The following PPL variants were observed in gnomAD, a reference collection of about 807,000 sequenced individuals.
The protein encoded by PPL is 190 kDa paraneoplastic pemphigus antigen.
In PPL, 198 loss-of-function variants were observed where a neutral mutation model predicts 194.4. The observed-to-expected ratio is 1.02, with a 90% confidence interval of 0.91 to 1.15. The LOEUF is 1.15. PPL is among the 50% of genes most tolerant of loss of function. PPL has a pLI of 0.00. For missense variants in PPL, 2,885 were observed against 2,294.8 expected (o/e 1.26, Z -5.25); for synonymous variants, 1,220 against 972.4 (o/e 1.25, Z -4.74).
chr16:4,889,229 T>TTTG (rs1567992698), intron 18 of PPL, among the ~76,000 whole-genome samples, 168 bp from the exon 19 acceptor site: 11 of 93,454 alleles, frequency 1.2e-4, no homozygotes, highest in African/African-American at 3.7e-4. Context: ...AGGCAGTTTT[T>TTTG]TTGTTGTTGT....
rs1399449309 is a variant in PPL at position 4,895,530 on chromosome 16, G to A, written c.1095+64C>T. 8 of 1,610,718 alleles carry A rather than the reference G, an allele frequency of 5.0e-6. No individual in the cohort carries two copies. In the East Asian group the frequency reaches 1.8e-4, roughly 36 times the overall value. On this transcript the variant is annotated intron_variant, in intron 10 of 21. Transcript: ENST00000345988. ...TGGAGGGGCCTGTACAGGGCTGAGGGCAGGCATGGTGTAGAGGGGTCCCCC... is the reference window on the plus strand; with the variant it reads ...TGGAGGGGCCTGTACAGGGCTGAGGACAGGCATGGTGTAGAGGGGTCCCCC...
intron 20 of PPL, 38 bp downstream of exon 20, chr16:4,888,064 C>T: frequency 1.3e-6 from 2 of 1,490,006 alleles, no homozygotes; most frequent in Non-Finnish European, 1.9e-6. Flanking sequence ...GCTTGGCCTC[C>T]ACCTCAGTCC....
rs1190380147 is a variant in PPL at position 4,902,909 on chromosome 16, G to A, written c.318-383C>T. ...TCACCATGTTGGTCAGGCTGGTCTC[G>A]AACTCCTGACCTCAGGTGATCCGTC... On this transcript the variant is annotated intron_variant, in intron 3 of 21. Coordinates refer to ENST00000345988, the MANE Select transcript of PPL (RefSeq NM_002705.5). This position sits in a 1 kb window ranked among gnomAD's most constrained non-coding sequence, Gnocchi z 4.0. 3.3e-5 allele frequency among the ~76,000 whole-genome samples: 5 copies of A among 152,090 alleles called. No individual in the cohort carries two copies. The South Asian group carries it at 6.2e-4, about 19-fold the overall frequency.
At chr16:4,905,242 G>A (rs899236558) in intron 2 of PPL, among the ~76,000 whole-genome samples, 5 of 152,168 alleles carry the variant, frequency 3.3e-5, no homozygotes, top group Non-Finnish European at 5.9e-5. Flanking sequence ...GAAGTGAACT[G>A]AGAAATACCA....
Position 4,885,131 on chromosome 16 carries a change from CGCACCTTCTCCT to C in PPL, c.3512_3523del (p.Gln1171_Val1174del). The C allele has an allele frequency of 1.2e-6, 2 of 1,614,004 alleles. No individual in the cohort carries two copies. Among genetic ancestry groups the C allele is most frequent in the Non-Finnish European group, 1.7e-6 (2 of 1,180,010 alleles). ...CTTGGGGTCTGGCCGCACGATCTCC[CGCACCTTCTCCT>C]GCACCACCACTTTGGCGTTCTCCTC... On this transcript the variant is annotated inframe_deletion, in exon 22 of 22. Coordinates refer to ENST00000345988, the MANE Select transcript of PPL (RefSeq NM_002705.5). This position sits in a 1 kb window ranked among gnomAD's most constrained non-coding sequence, Gnocchi z 6.3.
intron 1 of PPL, among the ~76,000 whole-genome samples, chr16:4,911,890 G>A (rs1437742032): frequency 6.6e-6 from 1 of 152,116 alleles, no homozygotes; most frequent in Admixed American, 6.6e-5. Context: ...AGACTGGAGT[G>A]CAGTGGCGTG....
chr16:4,884,712 G>C lies in PPL; in HGVS notation c.3943C>G (p.Leu1315Val), dbSNP rs149712293. The C allele has an allele frequency of 6.2e-7, 1 of 1,613,990 alleles. No individual in the cohort carries two copies. The highest frequency in any genetic ancestry group is 1.3e-5 in the African/African-American group (1 of 74,912). ...KEEVASLRAKLSEEQKKQVDL... is the reference protein window; with the variant it reads ...KEEVASLRAKVSEEQKKQVDL... ...ACTTGTTTCTTCTGCTCCTCTGAGA[G>C]CTTTGCCCTCAGAGACGCCACCTCC... The change falls in exon 22 of 22, where the codon CTC becomes GTC. Residue 1315 changes from leucine to valine, a missense_variant. Physicochemically the swap from Leu to Val is conservative, Grantham distance 32. Transcript: ENST00000345988. This position sits in a 1 kb window ranked among gnomAD's most constrained non-coding sequence, Gnocchi z 5.7.
rs769930858 is a variant in PPL, at chr16:4,885,276, C to T, written c.3379G>A (p.Glu1127Lys). ...CGGGTGAGATCGCTGACCTCCCTCTCGGTGGCCGCGTCCTTCTCCACCTTG... is the reference window on the plus strand; with the variant it reads ...CGGGTGAGATCGCTGACCTCCCTCTTGGTGGCCGCGTCCTTCTCCACCTTG... ...VLKVEKDAAT[E>K]REVSDLTRQY... Residue 1127 changes from glutamate to lysine, a missense_variant, in exon 22 of 22, where the codon GAG becomes AAG. Coordinates refer to ENST00000345988, the MANE Select transcript of PPL (RefSeq NM_002705.5). This position sits in a 1 kb window ranked among gnomAD's most constrained non-coding sequence, Gnocchi z 6.3. The T allele has an allele frequency of 2.2e-5, 35 of 1,611,684 alleles. No individual in the cohort carries two copies. The highest frequency in any genetic ancestry group is 2.5e-5 in the Non-Finnish European group (29 of 1,179,982).
At position 4,891,925 on chromosome 16, in the gene PPL, C is replaced by T. The variant is rs755499092; in HGVS notation, c.1854G>A (p.Glu618=). Residue 618 remains glutamate, a synonymous_variant, in exon 16 of 22, where the codon GAG becomes GAA. Transcript: ENST00000345988. ...ACTCCCAGCTCTGCTGCAGGCTCTT[C>T]TCCAGGCGGTTGGCCACATCAACCC... ...QEKVDVANRL[E]KSLQQSWELL... is the part of the protein sequence containing the mutation. The T allele has an allele frequency of 4.3e-6, 7 of 1,613,286 alleles. No individual in the cohort carries two copies. The highest frequency in any genetic ancestry group is 5.9e-6 in the Non-Finnish European group (7 of 1,179,974).
rs770392097 is a variant in PPL, at chr16:4,890,901, C to T, written c.1989G>A (p.Gln663=). Reference sequence around the variant, plus strand: ...CCTCACCCAGGAGGGACTTCTGGGCCTGTAACTCACAGGCCATGGCCTGGC... The same window carrying T: ...CCTCACCCAGGAGGGACTTCTGGGCTTGTAACTCACAGGCCATGGCCTGGC... ...QELAAMACEL[Q]AQKSLLGEVE... Residue 663 remains glutamine (Q), a synonymous_variant, in exon 17 of 22, where the codon CAG becomes CAA. Coordinates refer to ENST00000345988, the MANE Select transcript of PPL (RefSeq NM_002705.5). 9.1e-6 allele frequency: 14 copies of T among 1,531,594 alleles called. No homozygotes were observed. The highest frequency in any genetic ancestry group is 6.9e-5 in the African/African-American group (5 of 72,578). 94.9% of individuals were successfully genotyped at this position (1,531,594 alleles called of 1,614,324 possible).
intron 14 of PPL, among the ~76,000 whole-genome samples, chr16:4,892,463 T>C (rs1003772330): frequency 6.6e-6 from 1 of 152,234 alleles, no homozygotes; most frequent in Non-Finnish European, 1.5e-5. Context: ...CTGCCGGGCC[T>C]GTGCTGTCCT....
chr16:4,893,057 C>T, intron 14 of PPL, 156 bp downstream of exon 14: 1 of 982,666 alleles, frequency 1.0e-6, no homozygotes, highest in Non-Finnish European at 1.4e-6. Flanking sequence ...CTGCCACCTC[C>T]ATGACTTGGG....
At chr16:4,917,875 C>G (rs1378427825) in intron 1 of PPL, among the ~76,000 whole-genome samples, 1 of 151,774 alleles carries the variant, frequency 6.6e-6, no homozygotes, top group Non-Finnish European at 1.5e-5. Flanking sequence ...GCATTCCAGC[C>G]TGGGCAATGA....
In PPL at chr16:4,884,190, C is replaced by G; in HGVS notation, c.4465G>C (p.Ala1489Pro). 2 of 1,614,022 alleles carry G rather than the reference C, an allele frequency of 1.2e-6. No homozygotes were observed. The highest frequency in any genetic ancestry group is 2.7e-5 in the African/African-American group (2 of 75,068). The change falls in exon 22 of 22, where the codon GCA (alanine) becomes CCA (proline). Residue 1489 changes from alanine to proline, a missense_variant. By Grantham distance (27) the Ala-to-Pro change is conservative. Transcript: ENST00000345988. This position sits in a 1 kb window ranked among gnomAD's most constrained non-coding sequence, Gnocchi z 5.7. ...ELETLRRKLA[A>P]LEKAEVKEKV... Reference sequence around the variant, plus strand: ...TCCTTGACCTCCGCCTTCTCCAGTGCAGCCAGTTTCCTCCGGAGGGTCTCG... The same window carrying G: ...TCCTTGACCTCCGCCTTCTCCAGTGGAGCCAGTTTCCTCCGGAGGGTCTCG...
chr16:4,886,455 G>C (rs895651102), intron 21 of PPL, among the ~76,000 whole-genome samples: 3 of 152,224 alleles, frequency 2.0e-5, no homozygotes, highest in Non-Finnish European at 4.4e-5. Context: ...TCAGCACAGA[G>C]AGTGCTGCTT....
intron 1 of PPL, among the ~76,000 whole-genome samples, chr16:4,923,617 A>G (rs1292373408): frequency 6.6e-6 from 1 of 152,166 alleles, no homozygotes; most frequent in Non-Finnish European, 1.5e-5. Context: ...CAGGGGAGGA[A>G]ACTGAGGCAG....
chr16:4,883,940 C>T lies in PPL; in HGVS notation c.4715G>A (p.Arg1572Lys), dbSNP rs780512293. ...REENHKLQLE[R>K]QNLQLETRRL... ...TCGGGTCTCCAGCTGCAGGTTTTGC[C>T]TCTCCAGCTGTAATTTGTGGTTCTC... The change falls in exon 22 of 22, where the codon AGG becomes AAG. Residue 1572 changes from arginine (R) to lysine (K), a missense_variant. By Grantham distance (26) the Arg-to-Lys change is conservative. Coordinates refer to ENST00000345988, the MANE Select transcript of PPL (RefSeq NM_002705.5). The surrounding 1 kb of genome is among the most constrained non-coding windows in gnomAD (Gnocchi z 4.8). 1.2e-6 allele frequency: 2 copies of T among 1,613,926 alleles called. No individual in the cohort carries two copies. Among genetic ancestry groups the T allele is most frequent in the African/African-American group, 2.7e-5 (2 of 74,932 alleles).
At chr16:4,904,254 C>T (rs58927215) in intron 2 of PPL, among the ~76,000 whole-genome samples, 161 of 152,336 alleles carry the variant, frequency 1.1e-3, no homozygotes, top group African/African-American at 3.8e-3. Flanking sequence ...GCAGGTATTT[C>T]TCTTATGCCC....
chr16:4,908,162 C>CAAAAA (rs55889324), intron 2 of PPL, among the ~76,000 whole-genome samples: 1 of 73,260 alleles, frequency 1.4e-5, no homozygotes. Flanking sequence ...AGACTGTCTC[C>CAAAAA]AAAAAAAAAA....
Sources: allele counts gnomAD v4.1 joint callset (sites outside exome capture counted in the v4.1 genomes callset), GRCh38; gene constraint gnomAD v4.1.1; non-coding constraint Gnocchi (gnomAD v3.1); transcripts MANE v1.5; gene names NCBI Gene and HGNC (gene_info 2026-07-23, HGNC 2026-07-21).